PLCB1: variants seen among roughly 807,000 people sequenced by gnomAD.
PLCB1 encodes the protein phospholipase C beta 1.
In PLCB1, 46 loss-of-function variants were observed where a neutral mutation model predicts 161.8. The ratio of observed to expected loss-of-function variants is 0.28; its 90% CI spans 0.22 to 0.36. The LOEUF is 0.36. Ranked by LOEUF, PLCB1 falls within the 10% of genes least tolerant of loss-of-function variation. The probability of loss-of-function intolerance (pLI) is 1.00; values close to 1 mark genes in which losing one functional copy is unlikely to be tolerated. For missense variants in PLCB1, 1,016 were observed against 1,472.5 expected (o/e 0.69, Z 5.07); for synonymous variants, 517 against 503.7 (o/e 1.03, Z -0.35).
At chr20:8,737,867 T>C (rs1871870250) in intron 20 of PLCB1, among the ~76,000 whole-genome samples, 1 of 152,254 alleles carries the variant, frequency 6.6e-6, no homozygotes, top group African/African-American at 2.4e-5. Context: ...TTCCATATGT[T>C]AACTGAGTTT....
chr20:8,316,858 T>C (rs1456685576), intron 2 of PLCB1, among the ~76,000 whole-genome samples: 1 of 152,114 alleles, frequency 6.6e-6, no homozygotes, highest in Non-Finnish European at 1.5e-5. Context: ...AGGACTCTTG[T>C]TTTATCCCCT....
intron 31 of PLCB1, among the ~76,000 whole-genome samples, chr20:8,798,190 C>G (rs1216977100): frequency 5.8e-5 from 8 of 138,602 alleles, no homozygotes; most frequent in Admixed American, 5.7e-4. Flanking sequence ...GCGCAAGACT[C>G]TATATCGAAA....
At chr20:8,676,393 CAAA>C (rs1255991262) in intron 9 of PLCB1, among the ~76,000 whole-genome samples, 1 of 143,370 alleles carries the variant, frequency 7.0e-6, no homozygotes, top group Non-Finnish European at 1.5e-5. Flanking sequence ...GAAAGAGAGA[CAAA>C]GAAAGAAAGA....
intron 3 of PLCB1, among the ~76,000 whole-genome samples, chr20:8,517,681 C>T (rs533162652): frequency 3.3e-5 from 5 of 152,284 alleles, no homozygotes; most frequent in African/African-American, 7.2e-5. Context: ...AGGATGGGAC[C>T]GGGGCTCAGA....
chr20:8,502,420 T>C (rs1983462913), intron 3 of PLCB1, among the ~76,000 whole-genome samples: 1 of 152,184 alleles, frequency 6.6e-6, no homozygotes, highest in Non-Finnish European at 1.5e-5. Flanking sequence ...CAGCTTGAAA[T>C]CTTTTATTGC....
At chr20:8,858,408 C>G (rs903765542) in intron 31 of PLCB1, among the ~76,000 whole-genome samples, 1 of 152,176 alleles carries the variant, frequency 6.6e-6, no homozygotes, top group African/African-American at 2.4e-5. Context: ...TGGCAGTAGA[C>G]CCTGATGTTG....
chr20:8,405,782 A>G (rs1978759252), intron 3 of PLCB1, among the ~76,000 whole-genome samples: 1 of 152,190 alleles, frequency 6.6e-6, no homozygotes, highest in South Asian at 2.1e-4. Flanking sequence ...CATTATATTG[A>G]AAAAAGATGA....
At chr20:8,629,331 G>A (rs1344727959) in intron 4 of PLCB1, among the ~76,000 whole-genome samples, 1 of 152,128 alleles carries the variant, frequency 6.6e-6, no homozygotes, top group South Asian at 2.1e-4. Context: ...ACCCACTGAG[G>A]AGCTGCCATT....
At chr20:8,152,670 C>T (rs968230269) in intron 2 of PLCB1, among the ~76,000 whole-genome samples, 1 of 151,980 alleles carries the variant, frequency 6.6e-6, no homozygotes, top group Non-Finnish European at 1.5e-5. Flanking sequence ...AAGTTTATCC[C>T]TTGATTTTAT....
chr20:8,581,392 A>C (rs768624697), intron 3 of PLCB1, among the ~76,000 whole-genome samples: 8 of 152,138 alleles, frequency 5.3e-5, no homozygotes, highest in Non-Finnish European at 1.2e-4. Context: ...TAGGAGGTGA[A>C]GGTGAAAAGT....
chr20:8,774,526 T>C lies in PLCB1; in HGVS notation c.2931-13T>C, dbSNP rs1982848607. On this transcript the variant is annotated splice_polypyrimidine_tract_variant and intron_variant, in intron 26 of 31. Coordinates refer to ENST00000338037, the MANE Select transcript of PLCB1 (RefSeq NM_015192.4). ...CCTGTCTGTTTTGTGAGTCAAACTC[T>C]GTGTCTTTGCAGATCGGAACCCAGC... The C allele has an allele frequency of 6.3e-7, 1 of 1,582,966 alleles. No homozygotes were observed.
chr20:8,766,816 A>T (rs2146194235), intron 26 of PLCB1, among the ~76,000 whole-genome samples: 1 of 152,228 alleles, frequency 6.6e-6, no homozygotes, highest in Non-Finnish European at 1.5e-5. Flanking sequence ...GCACCAGGTG[A>T]TGCTGATTCT....
intron 3 of PLCB1, among the ~76,000 whole-genome samples, chr20:8,477,099 G>A (rs558290077): frequency 1.3e-4 from 20 of 152,270 alleles, no homozygotes; most frequent in African/African-American, 4.6e-4. Flanking sequence ...AACTAAATCA[G>A]AATCTCTGGG....
intron 24 of PLCB1, among the ~76,000 whole-genome samples, chr20:8,759,185 A>G (rs543271554): frequency 6.6e-6 from 1 of 152,170 alleles, no homozygotes; most frequent in Non-Finnish European, 1.5e-5. Context: ...ATGTTTCCCC[A>G]TGATTAGGTT....
chr20:8,607,686 A>G (rs1987797108), intron 3 of PLCB1, among the ~76,000 whole-genome samples: 1 of 152,104 alleles, frequency 6.6e-6, no homozygotes, highest in South Asian at 2.1e-4. Flanking sequence ...CTTCTCTGAA[A>G]TGTTCTTGTT....
At chr20:8,767,926 G>A (rs1046662698) in intron 26 of PLCB1, among the ~76,000 whole-genome samples, 1 of 152,170 alleles carries the variant, frequency 6.6e-6, no homozygotes, top group Non-Finnish European at 1.5e-5. Context: ...GCTCACTCCT[G>A]TAATCCCAGC....
intron 2 of PLCB1, among the ~76,000 whole-genome samples, chr20:8,354,328 A>G (rs1986290905): frequency 6.6e-6 from 1 of 152,202 alleles, no homozygotes; most frequent in Non-Finnish European, 1.5e-5. Flanking sequence ...CAGAAGGACT[A>G]AAAACAAAAT....
In PLCB1 at chr20:8,757,229, T is replaced by A. The variant is rs1053551208; in HGVS notation, c.2656+51T>A. 4 of 1,547,180 alleles carry A rather than the reference T, an allele frequency of 2.6e-6. No homozygotes were observed. In the African/African-American group the frequency reaches 5.5e-5, roughly 21 times the overall value. Reference sequence around the variant, plus strand: ...AACATGAGCAAGATCCTCCAGTTCATTAGTGCCACTGACGGAGGCGCTGTG... The same window carrying A: ...AACATGAGCAAGATCCTCCAGTTCAATAGTGCCACTGACGGAGGCGCTGTG... On this transcript the variant is annotated intron_variant, in intron 24 of 31. Transcript: ENST00000338037.
At position 8,854,055 on chromosome 20, in the gene PLCB1, A is replaced by G. The variant is rs1303765977; in HGVS notation, c.3424-27567A>G. On this transcript the variant is annotated intron_variant, in intron 31 of 31. Transcript: ENST00000338037. ...GCAAAAACAAGAAGCCAGAGGGAAA[A>G]AAGGAAGAGCTCACAAAGGCAAAAT... is the stretch of plus-strand genomic sequence containing the variant. Among the ~76,000 whole-genome samples the G allele has an allele frequency of 2.0e-5, 3 of 152,230 alleles. No individual in the cohort carries two copies. The East Asian group carries it at 5.8e-4, about 29-fold the overall frequency.
Sources: allele counts gnomAD v4.1 joint callset (sites outside exome capture counted in the v4.1 genomes callset), GRCh38; gene constraint gnomAD v4.1.1; transcripts MANE v1.5; gene names NCBI Gene and HGNC (gene_info 2026-07-23, HGNC 2026-07-21).